SEC14L1: variants seen among roughly 807,000 people sequenced by gnomAD.
SEC14L1 encodes the protein SEC14-like protein 1.
In SEC14L1, 48 loss-of-function variants were observed where a neutral mutation model predicts 85.3. The observed-to-expected ratio is 0.56, with a 90% CI of 0.45 to 0.72. The LOEUF is 0.72. Among genes scored for constraint, SEC14L1 ranks in the 30% least tolerant of loss-of-function variants. The probability of loss-of-function intolerance (pLI) is 0.00; values close to 1 mark genes in which losing one functional copy is unlikely to be tolerated. For missense variants in SEC14L1, 682 were observed against 921.4 expected (o/e 0.74, Z 3.36); for synonymous variants, 391 against 355.5 (o/e 1.10, Z -1.12).
At chr17:77,106,215 G>C (rs1971911243) in intron 3 of SEC14L1, among the ~76,000 whole-genome samples, 1 of 152,100 alleles carries the variant, frequency 6.6e-6, no homozygotes, top group African/African-American at 2.4e-5. Context: ...GCAGCATAGT[G>C]AGACTGTCTT....
intron 3 of SEC14L1, among the ~76,000 whole-genome samples, chr17:77,114,820 A>AG (rs1815975422): frequency 7.5e-6 from 1 of 132,480 alleles, no homozygotes; most frequent in Non-Finnish European, 1.6e-5. Context: ...GGGCGACAAG[A>AG]GCAAAACTTC....
chr17:77,154,894 C>G (rs960056310), intron 3 of SEC14L1, among the ~76,000 whole-genome samples: 6 of 152,144 alleles, frequency 3.9e-5, no homozygotes, highest in Non-Finnish European at 8.8e-5. Context: ...GTCCGGCCTT[C>G]CCCTTCTGAT....
chr17:77,181,933 A>C (rs1378197426), intron 3 of SEC14L1, among the ~76,000 whole-genome samples: 4 of 151,824 alleles, frequency 2.6e-5, no homozygotes, highest in African/African-American at 9.7e-5. Flanking sequence ...CAGCCTACAA[A>C]GTTGGACACA....
intron 3 of SEC14L1, among the ~76,000 whole-genome samples, chr17:77,179,643 T>G (rs942234645): frequency 1.3e-5 from 2 of 152,180 alleles, no homozygotes; most frequent in Non-Finnish European, 2.9e-5. Flanking sequence ...GTGTTTGATC[T>G]CAGAAATGTC....
intron 3 of SEC14L1, among the ~76,000 whole-genome samples, chr17:77,151,915 T>A (rs1409789353): frequency 2.0e-5 from 3 of 152,228 alleles, no homozygotes; most frequent in African/African-American, 7.2e-5. Context: ...TAAAGCAGAT[T>A]TCAGGTATCT....
intron 3 of SEC14L1, among the ~76,000 whole-genome samples, chr17:77,163,326 C>T (rs1220216315): frequency 6.6e-6 from 1 of 151,790 alleles, no homozygotes; most frequent in Non-Finnish European, 1.5e-5. Context: ...AAGTGACCTG[C>T]TGTAACTTTA....
intron 3 of SEC14L1, among the ~76,000 whole-genome samples, chr17:77,122,025 C>G (rs1018525122): frequency 1.3e-5 from 2 of 152,178 alleles, no homozygotes; most frequent in African/African-American, 4.8e-5. Context: ...CACTGGAAAA[C>G]ATTGATATAC....
chr17:77,145,146 C>CAT (rs1393844078), intron 3 of SEC14L1: 1 of 140,608 alleles, frequency 7.1e-6, no homozygotes, highest in Non-Finnish European at 1.5e-5. Flanking sequence ...TATATATACA[C>CAT]ATATATATTT....
intron 3 of SEC14L1, among the ~76,000 whole-genome samples, chr17:77,186,135 G>T (rs1669633298): frequency 6.6e-6 from 1 of 152,192 alleles, no homozygotes; most frequent in Non-Finnish European, 1.5e-5. Flanking sequence ...CTGGCCACCT[G>T]TTCGTGCTCC....
Position 77,216,375 on chromosome 17 carries a change from G to T in SEC14L1, c.*2352G>T. 7.2e-7 allele frequency: 1 copy of T among 1,389,604 alleles called. No homozygotes were observed. 86.1% of individuals were successfully genotyped at this position (1,389,604 alleles called of 1,614,324 possible). A position where few individuals can be genotyped will look rare whatever the true frequency, so the allele number is the denominator to read the frequency against. On this transcript the variant is annotated 3_prime_UTR_variant, in exon 17 of 17. Transcript: ENST00000436233. ...TAGGGCTAGTAGGTAGGGCTAGTAG[G>T]TAGGGCTAGTAGGTAGGGCTAGTAG...
At chr17:77,108,723 A>T (rs1971976576) in intron 3 of SEC14L1, among the ~76,000 whole-genome samples, 1 of 148,892 alleles carries the variant, frequency 6.7e-6, no homozygotes, top group Admixed American at 6.8e-5. Flanking sequence ...TGGCCGACAG[A>T]GCCAGGCTCT....
At chr17:77,097,616 A>T in intron 3 of SEC14L1, among the ~76,000 whole-genome samples, 1 of 114,978 alleles carries the variant, frequency 8.7e-6, no homozygotes. Flanking sequence ...GGGAAAGTGG[A>T]CTTGCTGGGT....
chr17:77,206,344 C>G lies in SEC14L1; in HGVS notation c.1285C>G (p.Leu429Val). Reference protein sequence around the residue: ...EVVEANYPETLGRLLILRAPR... With the variant: ...EVVEANYPETVGRLLILRAPR... ...GGTGGAGGCCAACTACCCTGAGACA[C>G]TGGGCCGCCTTCTCATCCTGCGGGC... Residue 429 changes from leucine to valine, a missense_variant, in exon 12 of 17, where the codon CTG becomes GTG. Physicochemically the swap from Leu to Val is conservative, Grantham distance 32 (BLOSUM62 1). Coordinates refer to ENST00000436233, the MANE Select transcript of SEC14L1 (RefSeq NM_001143998.2). This position sits in a 1 kb window ranked among gnomAD's most constrained non-coding sequence, Gnocchi z 4.3. 1 of 1,614,172 alleles carries G rather than the reference C, an allele frequency of 6.2e-7. No individual in the cohort carries two copies. Among genetic ancestry groups the G allele is most frequent in the Non-Finnish European group, 8.5e-7 (1 of 1,180,024 alleles).
At position 77,193,401 on chromosome 17, in the gene SEC14L1, T is replaced by G; in HGVS notation, c.346-20T>G. 2 of 1,580,670 alleles carry G rather than the reference T, an allele frequency of 1.3e-6. No individual in the cohort carries two copies. Among genetic ancestry groups the G allele is most frequent in the South Asian group, 1.2e-5 (1 of 86,724 alleles). ...CTGTTGTCAATTCAGTCAGTGAGAG[T>G]GCTTTCTCTTTATCTGCAGGTTCAC... On this transcript the variant is annotated intron_variant, in intron 5 of 16. Transcript: ENST00000436233.
chr17:77,167,896 A>G (rs1326682235), intron 3 of SEC14L1, among the ~76,000 whole-genome samples: 4 of 152,204 alleles, frequency 2.6e-5, no homozygotes, highest in Admixed American at 6.5e-5. Context: ...CAGCAAGGCA[A>G]TTTACTTCTG....
At chr17:77,156,622 G>T (rs2143603841) in intron 3 of SEC14L1, among the ~76,000 whole-genome samples, 1 of 150,336 alleles carries the variant, frequency 6.7e-6, no homozygotes, top group South Asian at 2.1e-4. Flanking sequence ...GTCTTGCAGT[G>T]TATGCTTTCG....
intron 3 of SEC14L1, among the ~76,000 whole-genome samples, chr17:77,181,593 T>G (rs1255995025): frequency 6.6e-6 from 1 of 152,178 alleles, no homozygotes; most frequent in Non-Finnish European, 1.5e-5. Flanking sequence ...GTATTTTTAG[T>G]AGAGATGGGG....
At chr17:77,090,376 C>T (rs1971484110) in intron 2 of SEC14L1, among the ~76,000 whole-genome samples, 1 of 151,300 alleles carries the variant, frequency 6.6e-6, no homozygotes, top group Non-Finnish European at 1.5e-5. Flanking sequence ...AAGGATCTGG[C>T]GGGTGTGGTG....
intron 3 of SEC14L1, among the ~76,000 whole-genome samples, chr17:77,127,137 C>A (rs1221708458): frequency 2.0e-5 from 3 of 151,896 alleles, no homozygotes; most frequent in Admixed American, 2.0e-4. Flanking sequence ...TCCCCTCACC[C>A]CTCACCCCCA....
Sources: gnomAD v4.1 joint callset for allele counts (sites outside exome capture counted in the v4.1 genomes callset) on GRCh38, gnomAD v4.1.1 for gene constraint, Gnocchi (gnomAD v3.1) non-coding constraint, MANE v1.5 for transcripts, NCBI Gene and HGNC (gene_info 2026-07-23, HGNC 2026-07-21) for gene names.